The following PLAAT3 variants were observed in gnomAD, a reference collection of about 807,000 sequenced individuals.
PLAAT3 encodes the protein phospholipase A and acyltransferase 3, also known as Ca-independent phospholipase A1/2.
A neutral mutation model predicts 16.7 loss-of-function variants in PLAAT3; 21 were observed. The ratio of observed to expected loss-of-function variants is 1.26; its 90% CI spans 0.89 to 1.81. PLAAT3 has a LOEUF of 1.81. Among genes scored for constraint, PLAAT3 ranks in the 40% most tolerant of loss-of-function variants. The pLI, the probability that PLAAT3 is intolerant of heterozygous loss-of-function variation, is 0.00. For missense variants in PLAAT3, 219 were observed against 213.7 expected, an observed-to-expected ratio of 1.02 and a Z score of -0.16; for synonymous variants, 76 against 81.7, an observed-to-expected ratio of 0.93 and a Z score of 0.38.
At chr11:63,610,247 T>A (rs989266772) in intron 2 of PLAAT3, among the ~76,000 whole-genome samples, 10 of 152,170 alleles carry the variant, frequency 6.6e-5, no homozygotes, top group African/African-American at 2.2e-4. Flanking sequence ...TTCCTACTCA[T>A]CCCTCGAGAT....
chr11:63,614,122 G>C (rs778007560), intron 1 of PLAAT3, 54 bp from the exon 2 acceptor site: 2 of 1,461,850 alleles, frequency 1.4e-6, no homozygotes, highest in East Asian at 4.6e-5. Flanking sequence ...TGCGTCTCCA[G>C]ACCCCACGGG....
chr11:63,603,339 G>A lies in PLAAT3; in HGVS notation c.16-5176C>T, dbSNP rs570470759. Among the ~76,000 whole-genome samples, 63 of 152,182 alleles carry A rather than the reference G, an allele frequency of 4.1e-4. No homozygotes were observed. The South Asian group carries it at 0.012, about 30-fold the overall frequency. The stretch of plus-strand genomic sequence containing the variant: ...ACCAAGGCTCTCCCACACAGCTCAC[G>A]CAACAACAATGGCAGAGTTGAGACT... On this transcript the variant is annotated intron_variant, in intron 2 of 4. Coordinates refer to ENST00000415826, the MANE Select transcript of PLAAT3 (RefSeq NM_001128203.2).
chr11:63,581,662 C>T (rs1452801452), intron 4 of PLAAT3, among the ~76,000 whole-genome samples: 1 of 152,204 alleles, frequency 6.6e-6, no homozygotes, highest in South Asian at 2.1e-4. Context: ...ATCCTTGTGA[C>T]CTACTCCCTG....
At chr11:63,576,114 A>G (rs936653724) in intron 4 of PLAAT3, among the ~76,000 whole-genome samples, 1 of 152,174 alleles carries the variant, frequency 6.6e-6, no homozygotes, top group Non-Finnish European at 1.5e-5. Flanking sequence ...ACAAGAGTCC[A>G]GAAGACTTTT....
In PLAAT3 at chr11:63,607,484, A is replaced by AC. The variant is rs569517246; in HGVS notation, c.15+6515dup. On this transcript the variant is annotated intron_variant, in intron 2 of 4. Transcript: ENST00000415826. Reference sequence around the variant, plus strand: ...AAGGCCAGCCTGGGAAACATGTGAGACCCCATCTCTAAAATTTAAAAAATA... The same window carrying AC: ...AAGGCCAGCCTGGGAAACATGTGAGACCCCCATCTCTAAAATTTAAAAAATA... Among the ~76,000 whole-genome samples the AC allele has an allele frequency of 3.4e-3, 513 of 151,928 alleles. 2 individuals carry two copies. The highest frequency in any genetic ancestry group is 0.011 in the African/African-American group (469 of 41,404).
intron 1 of PLAAT3, 106 bp from the exon 2 acceptor site, chr11:63,614,174 G>T: frequency 1.1e-6 from 1 of 943,510 alleles, no homozygotes; most frequent in East Asian, 2.7e-5. Context: ...GCGCGCCTCG[G>T]ACCCCAGGAA....
chr11:63,578,081 G>A (rs1018549493), intron 4 of PLAAT3, among the ~76,000 whole-genome samples: 10 of 152,180 alleles, frequency 6.6e-5, no homozygotes, highest in African/African-American at 1.2e-4. Context: ...TCAGGAGTTC[G>A]AGACCAGCCT....
intron 4 of PLAAT3, among the ~76,000 whole-genome samples, chr11:63,587,479 T>G (rs1938012097): frequency 6.6e-6 from 1 of 151,872 alleles, no homozygotes; most frequent in South Asian, 2.1e-4. Context: ...AGCCAAATGA[T>G]TAATCAAATG....
At chr11:63,608,080 G>A (rs1565257148) in intron 2 of PLAAT3, among the ~76,000 whole-genome samples, 1 of 152,194 alleles carries the variant, frequency 6.6e-6, no homozygotes, top group Non-Finnish European at 1.5e-5. Flanking sequence ...TACTCGGGAG[G>A]CTGAGGCAGG....
In PLAAT3 at chr11:63,590,149, C is replaced by T. The variant is rs1281809643; in HGVS notation, c.338G>A (p.Cys113Tyr). 18 of 1,614,100 alleles carry T rather than the reference C, an allele frequency of 1.1e-5. No homozygotes were observed. Among genetic ancestry groups the T allele is most frequent in the Non-Finnish European group, 1.5e-5 (18 of 1,180,034 alleles). ...EVLYKLTSEN[C>Y]EHFVNELRYG... is the part of the protein sequence containing the mutation. ...GCGCAGCTCATTCACAAAGTGCTCGCAGTTCTCACTGGTCAGCTTGTAGAG... is the reference window on the plus strand; with the variant it reads ...GCGCAGCTCATTCACAAAGTGCTCGTAGTTCTCACTGGTCAGCTTGTAGAG... Residue 113 changes from cysteine to tyrosine, a missense_variant, in exon 4 of 5, where the codon TGC becomes TAC. Physicochemically the swap from Cys to Tyr is radical, Grantham distance 194. Transcript: ENST00000415826.
At chr11:63,595,716 G>C (rs1357829884) in intron 3 of PLAAT3, among the ~76,000 whole-genome samples, 1 of 152,138 alleles carries the variant, frequency 6.6e-6, no homozygotes, top group African/African-American at 2.4e-5. Context: ...TTAATTCACT[G>C]ACTGTATACT....
chr11:63,588,608 C>A (rs1251153298), intron 4 of PLAAT3, among the ~76,000 whole-genome samples: 1 of 152,144 alleles, frequency 6.6e-6, no homozygotes, highest in Non-Finnish European at 1.5e-5. Context: ...CAGACCATGA[C>A]CAACAGACTG....
chr11:63,590,431 C>A (rs1938123116), intron 3 of PLAAT3, 63 bp from the exon 4 acceptor site: 1 of 1,505,742 alleles, frequency 6.6e-7, no homozygotes, highest in South Asian at 1.2e-5. Flanking sequence ...AGGCTCAGAG[C>A]TGGCCCCCAG....
chr11:63,615,086 A>ATATG (rs1565259636), upstream of PLAAT3, among the ~76,000 whole-genome samples: 6 of 20,174 alleles, frequency 3.0e-4, no homozygotes, highest in Non-Finnish European at 8.4e-4. Context: ...GTGTGTATAT[A>ATATG]TGTGTATATA....
intron 2 of PLAAT3, among the ~76,000 whole-genome samples, chr11:63,610,051 T>C (rs1938655980): frequency 6.6e-6 from 1 of 152,074 alleles, no homozygotes; most frequent in Non-Finnish European, 1.5e-5. Flanking sequence ...GTCTCGGAGC[T>C]CCCCGAAAAG....
chr11:63,598,666 C>T, intron 2 of PLAAT3: 1 of 517,786 alleles, frequency 1.9e-6, no homozygotes, highest in South Asian at 1.4e-5. Context: ...GTCTGACCAT[C>T]AGGAAACACC....
chr11:63,592,655 G>C (rs918278796), intron 3 of PLAAT3, among the ~76,000 whole-genome samples: 1 of 152,182 alleles, frequency 6.6e-6, no homozygotes, highest in African/African-American at 2.4e-5. Flanking sequence ...TTTGGGTCCT[G>C]CCTGCACCCC....
chr11:63,613,893 T>C (rs1163719898), intron 2 of PLAAT3, 107 bp downstream of exon 2: 4 of 717,862 alleles, frequency 5.6e-6, no homozygotes, highest in African/African-American at 5.5e-5. Context: ...GGGCCCCACA[T>C]CCTCGAGGCT....
intron 4 of PLAAT3, among the ~76,000 whole-genome samples, chr11:63,589,202 C>T (rs1465492840): frequency 6.6e-6 from 1 of 151,364 alleles, no homozygotes; most frequent in Admixed American, 6.6e-5. Context: ...AAGGCAGAGA[C>T]CAGGTCCAGC....
Sources: gnomAD v4.1 joint callset for allele counts (sites outside exome capture counted in the v4.1 genomes callset) on GRCh38, gnomAD v4.1.1 for gene constraint, MANE v1.5 for transcripts, NCBI Gene and HGNC (gene_info 2026-07-23, HGNC 2026-07-21) for gene names.